Variants in BMPR1A observed in about 807,000 individuals in gnomAD.
BMPR1A encodes the protein bone morphogenetic protein receptor type 1A, also known as bone morphogenetic protein receptor type-1A.
BMPR1A carries 7 observed loss-of-function variants against 66.0 expected under a neutral mutation model. The observed-to-expected ratio is 0.11, with a 90% CI of 0.06 to 0.20. The LOEUF is 0.20. Ranked by LOEUF, BMPR1A falls within the 10% of genes least tolerant of loss-of-function variation. The pLI, the probability that BMPR1A is intolerant of heterozygous loss-of-function variation, is 1.00. For missense variants in BMPR1A, 408 were observed against 669.1 expected, an observed-to-expected ratio of 0.61 and a Z score of 4.31; for synonymous variants, 200 against 229.7, an observed-to-expected ratio of 0.87 and a Z score of 1.17.
intron 2 of BMPR1A, chr10:86,855,933 T>C: frequency 4.7e-6 from 3 of 644,786 alleles, no homozygotes; most frequent in Non-Finnish European, 8.6e-6. Flanking sequence ...TCTGATGTTT[T>C]AATGGCTTTA....
At chr10:86,788,136 T>G (rs1234639588) in intron 1 of BMPR1A, among the ~76,000 whole-genome samples, 4 of 152,306 alleles carry the variant, frequency 2.6e-5, no homozygotes, top group African/African-American at 9.6e-5. Context: ...AACTAGGGTT[T>G]GTTTCAAGGG....
At position 86,917,414 on chromosome 10, in the gene BMPR1A, T is replaced by G; in HGVS notation, c.868+88T>G. ...CCTCCATATGTGCTTTGAAAATGTG[T>G]GAGTTCAACTATATACATTTGGCTA... On this transcript the variant is annotated intron_variant, in intron 9 of 12. Transcript: ENST00000372037. The G allele has an allele frequency of 4.1e-6, 6 of 1,466,986 alleles. No individual in the cohort carries two copies. The Admixed American group carries it at 7.3e-5, about 18-fold the overall frequency. The allele number at this position is 1,466,986 out of a possible 1,614,324, so 90.9% of individuals were successfully genotyped here. A position where few individuals can be genotyped will look rare whatever the true frequency, so the allele number is the denominator to read the frequency against.
At chr10:86,778,234 T>TG (rs1304704659) in intron 1 of BMPR1A, among the ~76,000 whole-genome samples, 1 of 147,666 alleles carries the variant, frequency 6.8e-6, no homozygotes, top group Non-Finnish European at 1.5e-5. Context: ...TTTTTGCAAT[T>TG]TTTTTTTTTG....
At chr10:86,882,627 T>G (rs1843004605) in intron 3 of BMPR1A, among the ~76,000 whole-genome samples, 1 of 151,416 alleles carries the variant, frequency 6.6e-6, no homozygotes, top group African/African-American at 2.4e-5. Context: ...GAATATATTG[T>G]TGTTTTATTT....
chr10:86,888,662 A>G (rs1262392379), intron 3 of BMPR1A, among the ~76,000 whole-genome samples: 1 of 151,758 alleles, frequency 6.6e-6, no homozygotes, highest in Non-Finnish European at 1.5e-5. Flanking sequence ...CCTTGTCCCT[A>G]CAAAGAATTT....
intron 1 of BMPR1A, among the ~76,000 whole-genome samples, chr10:86,797,612 C>T (rs772526321): frequency 6.6e-6 from 1 of 152,182 alleles, no homozygotes; most frequent in South Asian, 2.1e-4. Context: ...GTGATCCGCC[C>T]ACCTCAGCCT....
chr10:86,770,609 T>A (rs891397578), intron 1 of BMPR1A, among the ~76,000 whole-genome samples: 1 of 152,146 alleles, frequency 6.6e-6, no homozygotes, highest in African/African-American at 2.4e-5. Flanking sequence ...CCAGTCTCTC[T>A]CCTCCCTCCC....
rs1161833373 is a variant in BMPR1A, at chr10:86,759,135, CT to C, written c.-268+2219del. Among the ~76,000 whole-genome samples, 5 of 152,164 alleles carry C rather than the reference CT, an allele frequency of 3.3e-5. No homozygotes were observed. The East Asian group carries it at 9.6e-4, about 29-fold the overall frequency. ...ATCTGGGAAAGATACCTTAAAATTG[CT>C]TTGTTGGAACCCAGGCAGATTGTGA... On this transcript the variant is annotated intron_variant, in intron 1 of 12. Transcript: ENST00000372037.
chr10:86,912,486 A>G (rs1449870187), intron 8 of BMPR1A, 102 bp downstream of exon 8: 1 of 1,438,000 alleles, frequency 7.0e-7, no homozygotes, highest in African/African-American at 1.4e-5. Flanking sequence ...ACAATAATGG[A>G]CACATTTTTT....
chr10:86,893,093 C>CA (rs1291154616), intron 5 of BMPR1A, among the ~76,000 whole-genome samples: 4 of 151,836 alleles, frequency 2.6e-5, no homozygotes, highest in Admixed American at 2.0e-4. Context: ...GTCATGACTG[C>CA]AAAAAAATTA....
In BMPR1A at chr10:86,827,615, T is replaced by C. The variant is rs116925791; in HGVS notation, c.-267-11250T>C. Among the ~76,000 whole-genome samples the C allele has an allele frequency of 7.0e-4, 107 of 152,304 alleles. 1 individual carries two copies. The East Asian group carries it at 0.019, about 27-fold the overall frequency. ...ATCAGCTTTACTAGGTATGGCAGAA[T>C]GTCTTCTTTTACACAGTTGTGGAAT... On this transcript the variant is annotated intron_variant, in intron 1 of 12. Transcript: ENST00000372037.
intron 1 of BMPR1A, among the ~76,000 whole-genome samples, chr10:86,809,316 G>T (rs1027134045): frequency 4.2e-4 from 55 of 131,842 alleles, no homozygotes; most frequent in Middle Eastern, 3.8e-3. Context: ...TTGAGACAGG[G>T]TCTCACTCTG....
At position 86,780,634 on chromosome 10, in the gene BMPR1A, C is replaced by T. The variant is rs998749793; in HGVS notation, c.-268+23715C>T. 7.9e-5 allele frequency among the ~76,000 whole-genome samples: 12 copies of T among 151,980 alleles called. 1 individual carries two copies. On this transcript the variant is annotated intron_variant, in intron 1 of 12. Transcript: ENST00000372037. The stretch of plus-strand genomic sequence containing the variant: ...ATTTTTAGTGGAGACGGGGTTTCAC[C>T]ATGTTGGTCAGGCTGGTCTCGAGTT...
chr10:86,790,554 C>T (rs1199140706), intron 1 of BMPR1A, among the ~76,000 whole-genome samples: 3 of 151,792 alleles, frequency 2.0e-5, no homozygotes, highest in African/African-American at 4.8e-5. Context: ...AATGTCCAAC[C>T]GATAAATAGA....
At chr10:86,855,674 C>T (rs1477560712) in intron 2 of BMPR1A, 3 of 701,112 alleles carry the variant, frequency 4.3e-6, no homozygotes, top group South Asian at 1.8e-5. Flanking sequence ...TTTGCAATTG[C>T]CTAACTGCTC....
In BMPR1A at chr10:86,900,039, A is replaced by T; in HGVS notation, c.443A>T (p.Asp148Val). The T allele has an allele frequency of 6.2e-7, 1 of 1,614,094 alleles. No homozygotes were observed. Among genetic ancestry groups the T allele is most frequent in the African/African-American group, 1.3e-5 (1 of 75,036 alleles). ...CTTTTATTGTCAGGTCCGTTTTTTG[A>T]TGGCAGCATTCGATGGCTGGTTTTG... ...LPPVVIGPFF[D>V]GSIRWLVLLI... Residue 148 changes from aspartate (D) to valine (V), a missense_variant, in exon 7 of 13, where the codon GAT becomes GTT. Physicochemically the swap from Asp to Val is radical, Grantham distance 152. Transcript: ENST00000372037.
chr10:86,816,272 A>G (rs376351824), intron 1 of BMPR1A, among the ~76,000 whole-genome samples: 1 of 152,244 alleles, frequency 6.6e-6, no homozygotes, highest in Non-Finnish European at 1.5e-5. Context: ...TTTATATTAC[A>G]TATTAACATC....
At position 86,892,349 on chromosome 10, in the gene BMPR1A, A is replaced by G. The variant is rs140782702; in HGVS notation, c.333+120A>G. The G allele has an allele frequency of 3.0e-3, 2,197 of 734,554 alleles. 7 individuals carry two copies. The highest frequency in any genetic ancestry group is 5.7e-3 in the South Asian group (360 of 63,152). 45.5% of individuals were successfully genotyped at this position (734,554 alleles called of 1,614,324 possible). On this transcript the variant is annotated intron_variant, in intron 5 of 12. Coordinates refer to ENST00000372037, the MANE Select transcript of BMPR1A (RefSeq NM_004329.3). The stretch of plus-strand genomic sequence containing the variant: ...GCTGTATGTTCACATCAGTAAATAT[A>G]TTGGAGGAATACCTACTGTCTAGAT...
intron 1 of BMPR1A, among the ~76,000 whole-genome samples, chr10:86,816,619 C>G (rs886634806): frequency 6.6e-6 from 1 of 152,198 alleles, no homozygotes; most frequent in Non-Finnish European, 1.5e-5. Flanking sequence ...CCTTTTTCCA[C>G]TTGTTTGCAG....
Sources: gnomAD v4.1 joint callset for allele counts (sites outside exome capture counted in the v4.1 genomes callset) on GRCh38, gnomAD v4.1.1 for gene constraint, MANE v1.5 for transcripts, NCBI Gene and HGNC (gene_info 2026-07-23, HGNC 2026-07-21) for gene names.